The following PRKACB variants were observed in gnomAD, a reference collection of about 807,000 sequenced individuals.
The protein encoded by PRKACB is protein kinase cAMP-activated catalytic subunit beta.
PRKACB carries 16 observed loss-of-function variants against 51.4 expected under a neutral mutation model. The observed-to-expected ratio is 0.31, with a 90% CI of 0.21 to 0.47. PRKACB has a LOEUF of 0.47. Among genes scored for constraint, PRKACB ranks in the 20% least tolerant of loss-of-function variants. PRKACB has a pLI of 1.00. For missense variants in PRKACB, 309 were observed against 464.5 expected, an observed-to-expected ratio of 0.67 and a Z score of 3.08; for synonymous variants, 147 against 154.4, an observed-to-expected ratio of 0.95 and a Z score of 0.35.
intron 5 of PRKACB, among the ~76,000 whole-genome samples, chr1:84,195,979 T>G (rs1668136198): frequency 6.6e-6 from 1 of 152,112 alleles, no homozygotes; most frequent in Admixed American, 6.6e-5. Context: ...TCTGTGAATC[T>G]ATGTAAACAA....
At chr1:84,213,684 C>A (rs927656442) in intron 8 of PRKACB, among the ~76,000 whole-genome samples, 3 of 152,126 alleles carry the variant, frequency 2.0e-5, no homozygotes, top group African/African-American at 7.2e-5. Context: ...TTTTTACAAC[C>A]ATTTTTAGAC....
chr1:84,175,042 CT>C, intron 1 of PRKACB: 1 of 1,467,512 alleles, frequency 6.8e-7, no homozygotes, highest in Non-Finnish European at 9.0e-7. Context: ...GCTTGCTCCT[CT>C]TCAGAAATAT....
At chr1:84,181,851 T>A in intron 2 of PRKACB, 1 of 639,588 alleles carries the variant, frequency 1.6e-6, no homozygotes, top group Non-Finnish European at 2.4e-6. Flanking sequence ...AGTTTGTAAT[T>A]ATTAAAATAT....
At chr1:84,128,154 G>T (rs751299492) in intron 1 of PRKACB, among the ~76,000 whole-genome samples, 1 of 151,016 alleles carries the variant, frequency 6.6e-6, no homozygotes, top group Non-Finnish European at 1.5e-5. Context: ...AATTACAGGC[G>T]CCCACCACCA....
intron 1 of PRKACB, among the ~76,000 whole-genome samples, chr1:84,086,823 A>G (rs1557903607): frequency 6.6e-6 from 1 of 152,130 alleles, no homozygotes; most frequent in Non-Finnish European, 1.5e-5. Context: ...GGGGCACAGA[A>G]AATGAGTGGT....
intron 5 of PRKACB, among the ~76,000 whole-genome samples, chr1:84,193,268 C>T (rs1447339352): frequency 6.6e-6 from 1 of 152,130 alleles, no homozygotes. Flanking sequence ...TCCCCAGAAG[C>T]AGCGGGACTG....
chr1:84,181,054 T>A (rs1193545647), intron 2 of PRKACB, among the ~76,000 whole-genome samples: 1 of 152,032 alleles, frequency 6.6e-6, no homozygotes, highest in Non-Finnish European at 1.5e-5. Context: ...TTAAAATTAT[T>A]TTAAATTTTA....
intron 9 of PRKACB, among the ~76,000 whole-genome samples, chr1:84,224,573 G>C (rs1390665276): frequency 1.3e-5 from 2 of 152,216 alleles, no homozygotes; most frequent in African/African-American, 4.8e-5. Flanking sequence ...GGGTGGGGCA[G>C]GGCAATCCCC....
At chr1:84,149,864 A>T (rs1654607838) in intron 1 of PRKACB, among the ~76,000 whole-genome samples, 1 of 152,148 alleles carries the variant, frequency 6.6e-6, no homozygotes, top group Admixed American at 6.5e-5. Context: ...ATAAACATGC[A>T]TATCTTTTTG....
intron 1 of PRKACB, among the ~76,000 whole-genome samples, chr1:84,122,270 C>G (rs2100890023): frequency 6.6e-6 from 1 of 152,206 alleles, no homozygotes; most frequent in Middle Eastern, 3.4e-3. Flanking sequence ...AGGCTGGTCA[C>G]CTGATAGAAA....
chr1:84,093,188 A>G (rs1391172773), intron 1 of PRKACB, among the ~76,000 whole-genome samples: 2 of 151,836 alleles, frequency 1.3e-5, no homozygotes, highest in African/African-American at 4.8e-5. Flanking sequence ...AGGGTCATAG[A>G]TATTTTCCTA....
chr1:84,214,118 G>A (rs1407112608), intron 8 of PRKACB, 35 bp from the exon 9 acceptor site: 3 of 1,564,262 alleles, frequency 1.9e-6, no homozygotes, highest in Admixed American at 2.0e-5. Flanking sequence ...ATGAGTCTTA[G>A]AATGTGTGTT....
intron 1 of PRKACB, among the ~76,000 whole-genome samples, chr1:84,089,103 CTA>C (rs1157317757): frequency 3.3e-5 from 5 of 152,080 alleles, no homozygotes; most frequent in Admixed American, 3.3e-4. Flanking sequence ...AAAGCAGTGT[CTA>C]TGTTGTTTAG....
At chr1:84,086,421 T>C (rs988810760) in intron 1 of PRKACB, among the ~76,000 whole-genome samples, 1 of 152,080 alleles carries the variant, frequency 6.6e-6, no homozygotes, top group African/African-American at 2.4e-5. Context: ...CCTTCTTCCC[T>C]CCCACATGCC....
chr1:84,153,013 G>A (rs539779230), intron 1 of PRKACB, among the ~76,000 whole-genome samples: 120 of 152,012 alleles, frequency 7.9e-4, no homozygotes, highest in Non-Finnish European at 1.5e-3. Flanking sequence ...TCTTCCTTTC[G>A]TCTGAACACT....
Position 84,235,253 on chromosome 1 carries a change from A to G in PRKACB, c.1145A>G (p.Asp382Gly), listed in dbSNP as rs1428291986. The G allele has an allele frequency of 6.2e-7, 1 of 1,614,128 alleles. No homozygotes were observed. The highest frequency in any genetic ancestry group is 8.5e-7 in the Non-Finnish European group (1 of 1,179,946). ...TSNFDDYEEE[D>G]IRVSITEKCA... Reference sequence around the variant, plus strand: ...AACTTTGATGACTATGAAGAAGAAGATATCCGTGTCTCTATAACAGAAAAA... The same window carrying G: ...AACTTTGATGACTATGAAGAAGAAGGTATCCGTGTCTCTATAACAGAAAAA... The change falls in exon 10 of 10, where the codon GAT becomes GGT. Residue 382 changes from aspartate (D) to glycine (G), a missense_variant. Coordinates refer to ENST00000370685, the MANE Select transcript of PRKACB (RefSeq NM_182948.4).
chr1:84,150,540 G>A (rs1654724100), intron 1 of PRKACB, among the ~76,000 whole-genome samples: 1 of 152,148 alleles, frequency 6.6e-6, no homozygotes, highest in East Asian at 1.9e-4. Flanking sequence ...TGAATGGCTT[G>A]GTGTCCTCCC....
chr1:84,121,833 G>A (rs954870882), intron 1 of PRKACB, among the ~76,000 whole-genome samples: 2 of 151,986 alleles, frequency 1.3e-5, no homozygotes, highest in African/African-American at 4.8e-5. Context: ...GGCAATTTAT[G>A]ATTCCCTTGC....
chr1:84,123,707 A>T (rs996582202), intron 1 of PRKACB, among the ~76,000 whole-genome samples: 51 of 152,182 alleles, frequency 3.4e-4, no homozygotes, highest in African/African-American at 1.2e-3. Context: ...GGAAAATGGG[A>T]TAATAATATC....
Sources: gnomAD v4.1 joint callset for allele counts (sites outside exome capture counted in the v4.1 genomes callset) on GRCh38, gnomAD v4.1.1 for gene constraint, MANE v1.5 for transcripts, NCBI Gene and HGNC (gene_info 2026-07-23, HGNC 2026-07-21) for gene names.